Variants in TMEM170B observed in about 807,000 individuals in gnomAD.
TMEM170B encodes the protein transmembrane protein 170B.
A neutral mutation model predicts 13.0 loss-of-function variants in TMEM170B; 6 were observed. The ratio of observed to expected loss-of-function variants is 0.46; its 90% CI spans 0.25 to 0.91. The LOEUF is 0.91. TMEM170B is among the 40% of genes least tolerant of loss of function. The probability of loss-of-function intolerance (pLI) is 0.17; values close to 1 mark genes in which losing one functional copy is unlikely to be tolerated. For synonymous variants in TMEM170B, 61 were observed against 64.9 expected (o/e 0.94, Z 0.29); for missense variants, 138 against 165.2 (o/e 0.84, Z 0.90).
At chr6:11,556,518 T>A (rs1182736276) in intron 1 of TMEM170B, among the ~76,000 whole-genome samples, 9 of 152,230 alleles carry the variant, frequency 5.9e-5, no homozygotes, top group African/African-American at 2.2e-4. Flanking sequence ...GCTAGGCTCC[T>A]GAGGGGAGCT....
At chr6:11,573,770 G>A (rs999892827) in intron 2 of TMEM170B, among the ~76,000 whole-genome samples, 2 of 152,162 alleles carry the variant, frequency 1.3e-5, no homozygotes, top group African/African-American at 4.8e-5. Context: ...TTTTAAAATG[G>A]AAGATAGTCA....
rs1461374029 is a variant in TMEM170B, at chr6:11,577,149, T to C, written c.*1588T>C. The C allele has an allele frequency of 6.6e-6, 1 of 152,130 alleles. No individual in the cohort carries two copies. Among genetic ancestry groups the C allele is most frequent in the African/African-American group, 2.4e-5 (1 of 41,466 alleles). 9.4% of individuals were successfully genotyped at this position (152,130 alleles called of 1,614,324 possible). ...AAGAACTTTGTTACCCATACCACTT[T>C]TTCTCTATCCAGAAGCAGAGTATAT... is the stretch of plus-strand genomic sequence containing the variant. On this transcript the variant is annotated 3_prime_UTR_variant, in exon 3 of 3. Coordinates refer to ENST00000379426, the MANE Select transcript of TMEM170B (RefSeq NM_001100829.3).
Position 11,566,628 on chromosome 6 carries a change from T to C in TMEM170B, c.268+792T>C, listed in dbSNP as rs150220428. On this transcript the variant is annotated intron_variant, in intron 2 of 2. Coordinates refer to ENST00000379426, the MANE Select transcript of TMEM170B (RefSeq NM_001100829.3). ...CAGAGCAGGAGTGGAATTTAAAAGC[T>C]TTAGAGCAGGAAAGAAAGGAAAGTA... Among the ~76,000 whole-genome samples the C allele has an allele frequency of 9.2e-5, 14 of 152,222 alleles. No homozygotes were observed. In the East Asian group the frequency reaches 2.7e-3, roughly 29 times the overall value.
intron 1 of TMEM170B, among the ~76,000 whole-genome samples, chr6:11,548,100 A>T (rs1759464028): frequency 6.6e-6 from 1 of 152,198 alleles, no homozygotes; most frequent in Admixed American, 6.5e-5. Context: ...AATTAAACTA[A>T]AGAGCTTCTG....
intron 2 of TMEM170B, among the ~76,000 whole-genome samples, chr6:11,574,698 C>G (rs930759000): frequency 6.6e-6 from 1 of 152,110 alleles, no homozygotes; most frequent in Non-Finnish European, 1.5e-5. Context: ...TATGGATGGT[C>G]TGTGAAGATC....
chr6:11,572,798 C>T lies in TMEM170B; in HGVS notation c.269-2633C>T, dbSNP rs940446415. On this transcript the variant is annotated intron_variant, in intron 2 of 2. Coordinates refer to ENST00000379426, the MANE Select transcript of TMEM170B (RefSeq NM_001100829.3). ...CATTCATACATATTTACATACATAC[C>T]GCATACATACACACATACATATGTA... is the stretch of plus-strand genomic sequence containing the variant. Among the ~76,000 whole-genome samples the T allele has an allele frequency of 2.0e-4, 30 of 151,992 alleles. No individual in the cohort carries two copies. In the East Asian group the frequency reaches 2.7e-3, roughly 14 times the overall value.
intron 1 of TMEM170B, among the ~76,000 whole-genome samples, chr6:11,542,359 C>A (rs1759372867): frequency 6.6e-6 from 1 of 152,108 alleles, no homozygotes; most frequent in Non-Finnish European, 1.5e-5. Context: ...TGCAAGTCAA[C>A]CATTAAGCTG....
At chr6:11,557,442 C>A (rs986195735) in intron 1 of TMEM170B, among the ~76,000 whole-genome samples, 1 of 152,066 alleles carries the variant, frequency 6.6e-6, no homozygotes, top group Non-Finnish European at 1.5e-5. Flanking sequence ...GTGTAGCAAA[C>A]CACCATGGCA....
chr6:11,542,680 T>A (rs1218089533), intron 1 of TMEM170B, among the ~76,000 whole-genome samples: 3 of 152,188 alleles, frequency 2.0e-5, no homozygotes, highest in Admixed American at 6.5e-5. Flanking sequence ...AGTGATAATA[T>A]TCTGATGGGA....
At chr6:11,540,876 C>T (rs1759350833) in intron 1 of TMEM170B, among the ~76,000 whole-genome samples, 1 of 152,190 alleles carries the variant, frequency 6.6e-6, no homozygotes, top group South Asian at 2.1e-4. Flanking sequence ...TGTTAGCAGT[C>T]ATGAAAACAA....
chr6:11,538,312 A>T lies in TMEM170B; in HGVS notation c.35A>T (p.Asn12Ile). 6.7e-7 allele frequency: 1 copy of T among 1,488,674 alleles called. No homozygotes were observed. 92.2% of individuals were successfully genotyped at this position (1,488,674 alleles called of 1,614,324 possible). A position where few individuals can be genotyped will look rare whatever the true frequency, so the allele number is the denominator to read the frequency against. The change falls in exon 1 of 3, where the codon AAC becomes ATC. Residue 12 changes from asparagine to isoleucine, a missense_variant. Transcript: ENST00000379426. ...GAGGGGGGCGACCACTCCATGATCA[A>T]CCTGTCGGTGCAGCAGGTCCTGAGC... ...KAEGGDHSMI[N>I]LSVQQVLSLW... is the part of the protein sequence containing the mutation.
At chr6:11,552,617 TAG>T (rs1345167250) in intron 1 of TMEM170B, among the ~76,000 whole-genome samples, 1 of 152,220 alleles carries the variant, frequency 6.6e-6, no homozygotes, top group African/African-American at 2.4e-5. Context: ...TATTACACAA[TAG>T]AGTCATACAT....
chr6:11,556,992 T>C (rs1024698827), intron 1 of TMEM170B, among the ~76,000 whole-genome samples: 1 of 152,200 alleles, frequency 6.6e-6, no homozygotes, highest in Non-Finnish European at 1.5e-5. Context: ...AGTAGAGACC[T>C]GTGGAAAAGC....
At position 11,542,479 on chromosome 6, in the gene TMEM170B, A is replaced by G. The variant is rs576843191; in HGVS notation, c.97+4105A>G. Among the ~76,000 whole-genome samples the G allele has an allele frequency of 3.9e-5, 6 of 152,308 alleles. No homozygotes were observed. In the East Asian group the frequency reaches 9.6e-4, roughly 24 times the overall value. ...CCATTTCATAAAGGATATGCCGAAC[A>G]TCCCAAACTAGGACTGAGGCGGGAC... On this transcript the variant is annotated intron_variant, in intron 1 of 2. Transcript: ENST00000379426.
chr6:11,580,753 C>T lies in TMEM170B; in HGVS notation c.*5192C>T, dbSNP rs1379238821. 2 of 152,192 alleles carry T rather than the reference C, an allele frequency of 1.3e-5. No individual in the cohort carries two copies. Among genetic ancestry groups the T allele is most frequent in the Non-Finnish European group, 2.9e-5 (2 of 68,010 alleles). The allele number at this position is 152,192 out of a possible 1,614,324, so 9.4% of individuals were successfully genotyped here. A position where few individuals can be genotyped will look rare whatever the true frequency, so the allele number is the denominator to read the frequency against. ...TTATAGCATTTGGAGAGGTAACACACAAAAACAAAAACATATTTGACAAAG... is the reference window on the plus strand; with the variant it reads ...TTATAGCATTTGGAGAGGTAACACATAAAAACAAAAACATATTTGACAAAG... On this transcript the variant is annotated 3_prime_UTR_variant, in exon 3 of 3. Transcript: ENST00000379426.
intron 1 of TMEM170B, among the ~76,000 whole-genome samples, chr6:11,560,079 C>T (rs965349910): frequency 6.6e-6 from 1 of 151,860 alleles, no homozygotes; most frequent in African/African-American, 2.4e-5. Flanking sequence ...CTACTGCATA[C>T]CCAGTATGCA....
Position 11,552,064 on chromosome 6 carries a change from G to A in TMEM170B, c.98-13602G>A, listed in dbSNP as rs556233854. Among the ~76,000 whole-genome samples the A allele has an allele frequency of 2.6e-5, 4 of 152,244 alleles. No individual in the cohort carries two copies. In the East Asian group the frequency reaches 7.7e-4, roughly 29 times the overall value. On this transcript the variant is annotated intron_variant, in intron 1 of 2. Transcript: ENST00000379426. ...TTCATACAGATCCATGGCTCCAGTC[G>A]ATAAATGTGGAATTAGGATCTTAGA...
chr6:11,554,065 G>C (rs1759558102), intron 1 of TMEM170B, among the ~76,000 whole-genome samples: 1 of 152,058 alleles, frequency 6.6e-6, no homozygotes, highest in African/African-American at 2.4e-5. Context: ...TGTATTTCCT[G>C]ATCGGTCATT....
At chr6:11,552,000 A>T (rs1276587675) in intron 1 of TMEM170B, among the ~76,000 whole-genome samples, 2 of 152,152 alleles carry the variant, frequency 1.3e-5, no homozygotes, top group African/African-American at 4.8e-5. Flanking sequence ...TGAATCTGTC[A>T]TGGTTTCCAG....
Sources: allele counts gnomAD v4.1 joint callset (sites outside exome capture counted in the v4.1 genomes callset), GRCh38; gene constraint gnomAD v4.1.1; transcripts MANE v1.5; gene names NCBI Gene and HGNC (gene_info 2026-07-23, HGNC 2026-07-21).